Variants in KSR2 observed in about 807,000 individuals in gnomAD.
KSR2 encodes the protein kinase suppressor of ras 2.
A neutral mutation model predicts 107.8 loss-of-function variants in KSR2; 25 were observed. The observed-to-expected ratio is 0.23, with a 90% CI of 0.17 to 0.32. The LOEUF is 0.32. Ranked by LOEUF, KSR2 falls within the 10% of genes least tolerant of loss-of-function variation. The pLI is 1.00. For missense variants in KSR2, 887 were observed against 1,268.9 expected (o/e 0.70, Z 4.57); for synonymous variants, 480 against 507.0 (o/e 0.95, Z 0.71).
At chr12:117,602,414 C>T (rs920487637) in intron 5 of KSR2, among the ~76,000 whole-genome samples, 2 of 152,180 alleles carry the variant, frequency 1.3e-5, no homozygotes, top group African/African-American at 4.8e-5. Flanking sequence ...TTCTCCCAGT[C>T]CCTGGAATTA....
At chr12:117,493,948 G>A (rs1872881018) in intron 14 of KSR2, among the ~76,000 whole-genome samples, 1 of 152,130 alleles carries the variant, frequency 6.6e-6, no homozygotes, top group Non-Finnish European at 1.5e-5. Flanking sequence ...ATGATTCTGA[G>A]GCCTCCCCAG....
At chr12:117,694,945 G>C (rs1885990356) in intron 4 of KSR2, among the ~76,000 whole-genome samples, 1 of 142,790 alleles carries the variant, frequency 7.0e-6, no homozygotes, top group Admixed American at 7.6e-5. Context: ...CCACCTCCCA[G>C]GTTCAAGCAA....
At chr12:117,720,284 C>T (rs546918480) in intron 4 of KSR2, among the ~76,000 whole-genome samples, 24 of 152,250 alleles carry the variant, frequency 1.6e-4, no homozygotes, top group African/African-American at 5.3e-4. Flanking sequence ...AGGCTGATGG[C>T]TGTTATCATT....
At chr12:117,923,816 TA>T (rs1415929229) in intron 1 of KSR2, among the ~76,000 whole-genome samples, 1 of 151,916 alleles carries the variant, frequency 6.6e-6, no homozygotes, top group Non-Finnish European at 1.5e-5. Flanking sequence ...TGTGCTGCTT[TA>T]TTCAGTATTT....
At chr12:117,682,532 C>T (rs140180818) in intron 4 of KSR2, among the ~76,000 whole-genome samples, 6,002 of 152,054 alleles carry the variant, frequency 0.039, 161 homozygotes, top group South Asian at 0.072. Context: ...ATTCTCCTGC[C>T]TCAGCCTCCC....
intron 5 of KSR2, among the ~76,000 whole-genome samples, chr12:117,601,294 T>G (rs1880929081): frequency 3.0e-5 from 1 of 32,962 alleles, no homozygotes; most frequent in African/African-American, 1.5e-4. Context: ...ATCCAAGATC[T>G]TGGGGGGGGG....
intron 4 of KSR2, among the ~76,000 whole-genome samples, chr12:117,688,905 T>C (rs1335748614): frequency 2.0e-5 from 3 of 152,132 alleles, no homozygotes; most frequent in African/African-American, 7.2e-5. Flanking sequence ...ATCTCCTTCT[T>C]TCCTTCCTTC....
At chr12:117,609,134 T>C (rs1033568827) in intron 5 of KSR2, among the ~76,000 whole-genome samples, 1 of 152,140 alleles carries the variant, frequency 6.6e-6, no homozygotes, top group Non-Finnish European at 1.5e-5. Flanking sequence ...GGCCTATAGA[T>C]TTTATACCCT....
At chr12:117,682,397 C>G (rs1389752446) in intron 4 of KSR2, among the ~76,000 whole-genome samples, 1 of 152,064 alleles carries the variant, frequency 6.6e-6, no homozygotes, top group Non-Finnish European at 1.5e-5. Context: ...ACCTGCATGT[C>G]CTGCACATGT....
At chr12:117,537,953 G>A (rs1876166295) in intron 10 of KSR2, among the ~76,000 whole-genome samples, 1 of 152,072 alleles carries the variant, frequency 6.6e-6, no homozygotes, top group African/African-American at 2.4e-5. Flanking sequence ...CCATAAAACG[G>A]CCCTTCCCCA....
At chr12:117,645,351 T>A (rs1883568586) in intron 5 of KSR2, among the ~76,000 whole-genome samples, 1 of 152,202 alleles carries the variant, frequency 6.6e-6, no homozygotes, top group Non-Finnish European at 1.5e-5. Flanking sequence ...GAAACCAGTA[T>A]GTGGTGGTTC....
At chr12:117,630,845 GT>G (rs1882769237) in intron 5 of KSR2, among the ~76,000 whole-genome samples, 1 of 152,118 alleles carries the variant, frequency 6.6e-6, no homozygotes, top group African/African-American at 2.4e-5. Context: ...GGGGACCGGG[GT>G]TACATCTTCT....
chr12:117,870,045 C>T (rs1187257307), intron 1 of KSR2, among the ~76,000 whole-genome samples: 1 of 152,178 alleles, frequency 6.6e-6, no homozygotes, highest in Non-Finnish European at 1.5e-5. Flanking sequence ...AGGGTGTGAT[C>T]CCAAAGCTCT....
intron 3 of KSR2, among the ~76,000 whole-genome samples, chr12:117,827,495 A>C (rs1593275822): frequency 1.3e-5 from 2 of 152,208 alleles, no homozygotes; most frequent in East Asian, 3.8e-4. Context: ...TTTCTTATCC[A>C]TTCAATCAGG....
intron 4 of KSR2, among the ~76,000 whole-genome samples, chr12:117,693,875 A>T (rs1885936523): frequency 6.6e-6 from 1 of 152,208 alleles, no homozygotes; most frequent in Non-Finnish European, 1.5e-5. Context: ...CTTCTAGAAG[A>T]CATGCTCTGA....
intron 4 of KSR2, among the ~76,000 whole-genome samples, chr12:117,695,318 C>T (rs1216202971): frequency 6.6e-6 from 1 of 152,084 alleles, no homozygotes. Context: ...GATGGTTGCA[C>T]AACAATGTGA....
intron 3 of KSR2, among the ~76,000 whole-genome samples, chr12:117,773,404 C>T (rs1212235099): frequency 1.3e-5 from 2 of 152,270 alleles, no homozygotes; most frequent in South Asian, 2.1e-4. Flanking sequence ...AAAAGCCATT[C>T]TCAAGGGAAA....
chr12:117,814,161 T>C (rs1214733399), intron 3 of KSR2, among the ~76,000 whole-genome samples: 1 of 152,116 alleles, frequency 6.6e-6, no homozygotes, highest in Non-Finnish European at 1.5e-5. Context: ...AGATACATTA[T>C]AGCCAGATGG....
chr12:117,930,265 C>T (rs963850746), intron 1 of KSR2, among the ~76,000 whole-genome samples: 1 of 152,058 alleles, frequency 6.6e-6, no homozygotes, highest in African/African-American at 2.4e-5. Flanking sequence ...AACTCCAGAG[C>T]TCCAATAATC....
Sources: allele counts gnomAD v4.1 joint callset (sites outside exome capture counted in the v4.1 genomes callset), GRCh38; gene constraint gnomAD v4.1.1; transcripts MANE v1.5; gene names NCBI Gene and HGNC (gene_info 2026-07-23, HGNC 2026-07-21).